The following NELFA variants were observed in gnomAD, a reference collection of about 807,000 sequenced individuals.
NELFA encodes negative elongation factor complex member A.
A neutral mutation model predicts 51.8 loss-of-function variants in NELFA; 35 were observed. The ratio of observed to expected loss-of-function variants is 0.68; its 90% CI spans 0.52 to 0.90. The LOEUF (loss-of-function observed/expected upper bound fraction) is 0.90. Among genes scored for constraint, NELFA ranks in the 40% least tolerant of loss-of-function variants. The pLI is 0.00. For synonymous variants in NELFA, 417 were observed against 338.4 expected (o/e 1.23, Z -2.55); for missense variants, 658 against 746.4 (o/e 0.88, Z 1.38).
chr4:1,993,039 C>G (rs1482221553), intron 1 of NELFA, among the ~76,000 whole-genome samples: 2 of 152,250 alleles, frequency 1.3e-5, no homozygotes, highest in Non-Finnish European at 2.9e-5. Context: ...GGAAGCGCTG[C>G]GCACACGCTG....
At chr4:2,001,651 C>T (rs925958897) in intron 1 of NELFA, among the ~76,000 whole-genome samples, 1 of 152,236 alleles carries the variant, frequency 6.6e-6, no homozygotes, top group Admixed American at 6.5e-5. Flanking sequence ...GCCTGTAATC[C>T]CAGCACTTTG....
chr4:2,004,366 G>C (rs748326512), intron 1 of NELFA, among the ~76,000 whole-genome samples: 12 of 151,998 alleles, frequency 7.9e-5, no homozygotes, highest in Non-Finnish European at 1.6e-4. Context: ...ATTTATTTGG[G>C]GGATGATGAA....
intron 1 of NELFA, among the ~76,000 whole-genome samples, chr4:1,997,237 C>G (rs1040835616): frequency 6.6e-6 from 1 of 152,172 alleles, no homozygotes; most frequent in South Asian, 2.1e-4. Context: ...GAAGAAATCA[C>G]TCCATTAGTA....
intron 1 of NELFA, among the ~76,000 whole-genome samples, chr4:1,998,870 G>C (rs144019867): frequency 6.6e-6 from 1 of 152,126 alleles, no homozygotes. Context: ...TCGAAATGAA[G>C]GAAAAACTGT....
At chr4:2,002,730 ACT>A (rs1321684395) in intron 1 of NELFA, among the ~76,000 whole-genome samples, 1 of 152,208 alleles carries the variant, frequency 6.6e-6, no homozygotes, top group African/African-American at 2.4e-5. Context: ...ACAAAAATTA[ACT>A]CAAGATGCAT....
At chr4:2,001,493 G>A (rs1728564910) in intron 1 of NELFA, among the ~76,000 whole-genome samples, 1 of 152,104 alleles carries the variant, frequency 6.6e-6, no homozygotes, top group South Asian at 2.1e-4. Context: ...CAAGCAGAGA[G>A]CCAAATCATG....
intron 1 of NELFA, among the ~76,000 whole-genome samples, chr4:1,998,508 C>G (rs1728490418): frequency 6.6e-6 from 1 of 152,026 alleles, no homozygotes; most frequent in African/African-American, 2.4e-5. Flanking sequence ...GAGTCATCCG[C>G]AAGTATTAAC....
At chr4:1,986,449 C>A in intron 4 of NELFA, 47 bp from the exon 5 acceptor site, 1 of 1,597,886 alleles carries the variant, frequency 6.3e-7, no homozygotes, top group Non-Finnish European at 8.5e-7. Flanking sequence ...GACCGGCAAA[C>A]GTCCCCCACC....
At chr4:1,995,948 G>A (rs1358207803) in intron 1 of NELFA, among the ~76,000 whole-genome samples, 1 of 150,492 alleles carries the variant, frequency 6.6e-6, no homozygotes, top group Non-Finnish European at 1.5e-5. Flanking sequence ...TGAGGAATTT[G>A]AGTCCAGCCC....
At chr4:2,004,809 CTTTTT>C in intron 1 of NELFA, among the ~76,000 whole-genome samples, 1 of 119,562 alleles carries the variant, frequency 8.4e-6, no homozygotes, top group African/African-American at 3.2e-5. Context: ...TTTAATAAAG[CTTTTT>C]TTTTTTTTTT....
intron 2 of NELFA, chr4:1,990,506 G>C (rs1051267743): frequency 8.8e-6 from 4 of 456,602 alleles, no homozygotes; most frequent in African/African-American, 6.0e-5. Flanking sequence ...AACGGGTGGG[G>C]TGGGGTGGAC....
In NELFA at chr4:1,985,330, C is replaced by T. The variant is rs1049533475; in HGVS notation, c.925-411G>A. Among the ~76,000 whole-genome samples, 68 of 152,334 alleles carry T rather than the reference C, an allele frequency of 4.5e-4. 1 individual carries two copies. Among genetic ancestry groups the T allele is most frequent in the African/African-American group, 6.5e-4 (27 of 41,582 alleles). ...GCCTCCTCCAGGCCCTGGCCTCAGACGACCCACTGCAGCCTCTGTGCACCT... is the reference window on the plus strand; with the variant it reads ...GCCTCCTCCAGGCCCTGGCCTCAGATGACCCACTGCAGCCTCTGTGCACCT... On this transcript the variant is annotated intron_variant, in intron 7 of 10. Transcript: ENST00000382882.
chr4:1,987,533 T>G (rs1728141597), intron 4 of NELFA: 1 of 194,956 alleles, frequency 5.1e-6, no homozygotes, highest in Non-Finnish European at 1.0e-5. Context: ...AGAGCAGCAC[T>G]TGGGGCCGAA....
chr4:1,994,721 G>A (rs1439064275), intron 1 of NELFA, among the ~76,000 whole-genome samples: 1 of 151,910 alleles, frequency 6.6e-6, no homozygotes, highest in African/African-American at 2.4e-5. Context: ...CGGGCGTGGT[G>A]GTGGGCACCT....
intron 1 of NELFA, chr4:2,003,977 C>T (rs1479328472): frequency 6.6e-6 from 1 of 151,650 alleles, no homozygotes; most frequent in African/African-American, 2.4e-5. Context: ...ACGGTGAAAC[C>T]CCGTCTCCAC....
At chr4:2,007,819 C>A (rs759981929) in intron 1 of NELFA, 1 of 363,102 alleles carries the variant, frequency 2.8e-6, no homozygotes, top group Non-Finnish European at 5.4e-6. Context: ...CAATCAAAAG[C>A]AATTACAACC....
intron 8 of NELFA, among the ~76,000 whole-genome samples, chr4:1,984,323 T>A (rs1327037594): frequency 6.6e-6 from 1 of 152,094 alleles, no homozygotes; most frequent in Admixed American, 6.5e-5. Flanking sequence ...GACTCGCAGA[T>A]AAGATGTCTG....
intron 1 of NELFA, 171 bp from the exon 2 acceptor site, chr4:1,991,886 C>G (rs1728279050): frequency 1.5e-6 from 1 of 648,312 alleles, no homozygotes; most frequent in African/African-American, 1.8e-5. Context: ...ACCCCAGGGC[C>G]ACCTTGCTTC....
intron 1 of NELFA, among the ~76,000 whole-genome samples, chr4:2,004,656 T>C (rs1728662531): frequency 6.7e-6 from 1 of 149,212 alleles, no homozygotes; most frequent in South Asian, 2.2e-4. Context: ...CCTGGCTAAT[T>C]TTTATATTTT....
Sources: allele counts gnomAD v4.1 joint callset (sites outside exome capture counted in the v4.1 genomes callset), GRCh38; gene constraint gnomAD v4.1.1; transcripts MANE v1.5; gene names NCBI Gene and HGNC (gene_info 2026-07-23, HGNC 2026-07-21).